The following HOGA1 variants were observed in gnomAD, a reference collection of about 807,000 sequenced individuals.
HOGA1 encodes 4-hydroxy-2-oxoglutarate aldolase 1, also known as 4-hydroxy-2-oxoglutarate aldolase, mitochondrial.
In HOGA1, 30 loss-of-function variants were observed where a neutral mutation model predicts 34.3. That is an observed-to-expected ratio of 0.87 (90% CI 0.65 to 1.19). The LOEUF (loss-of-function observed/expected upper bound fraction) is 1.19, where lower values mean the gene tolerates loss of function less well. Ranked by LOEUF, HOGA1 falls within the 50% of genes most tolerant of loss-of-function variation. The pLI, the probability that HOGA1 is intolerant of heterozygous loss-of-function variation, is 0.00. For synonymous variants in HOGA1, 161 were observed against 174.0 expected (o/e 0.93, Z 0.59); for missense variants, 417 against 436.5 (o/e 0.96, Z 0.40).
At chr10:97,599,880 C>T in intron 4 of HOGA1, 66 bp downstream of exon 4, 1 of 1,608,204 alleles carries the variant, frequency 6.2e-7, no homozygotes. Context: ...ACTTTTGCTC[C>T]TGAGGGCAGC....
intron 1 of HOGA1, among the ~76,000 whole-genome samples, chr10:97,598,179 C>G (rs1434303392): frequency 6.6e-6 from 1 of 152,162 alleles, no homozygotes; most frequent in Non-Finnish European, 1.5e-5. Flanking sequence ...TTGGTAGAGA[C>G]AGGCAGCCAT....
chr10:97,585,693 T>C (rs2040964626), intron 1 of HOGA1, among the ~76,000 whole-genome samples: 1 of 152,224 alleles, frequency 6.6e-6, no homozygotes, highest in Non-Finnish European at 1.5e-5. Context: ...TTGCACCTCG[T>C]CTGACTGCAT....
intron 1 of HOGA1, among the ~76,000 whole-genome samples, chr10:97,593,443 C>A (rs968772034): frequency 1.8e-4 from 27 of 151,998 alleles, no homozygotes; most frequent in Non-Finnish European, 2.9e-5. Context: ...TGCCACTGCC[C>A]TCCAGCCTGG....
rs1028021599 is a variant in HOGA1 at position 97,611,834 on chromosome 10, T to C, written c.*175T>C. On this transcript the variant is annotated 3_prime_UTR_variant, in exon 7 of 7. Coordinates refer to ENST00000370646, the MANE Select transcript of HOGA1 (RefSeq NM_138413.4). ...TTTCACAGGCACGCCCATGCATATC[T>C]CCTATTCTAACGGCCCCTGACCTCT... The C allele has an allele frequency of 3.7e-5, 25 of 678,340 alleles. No homozygotes were observed. The highest frequency in any genetic ancestry group is 5.7e-5 in the Non-Finnish European group (23 of 401,086). 42.0% of individuals were successfully genotyped at this position (678,340 alleles called of 1,614,324 possible).
chr10:97,604,909 A>T (rs897160491), intron 6 of HOGA1, among the ~76,000 whole-genome samples: 5 of 152,200 alleles, frequency 3.3e-5, no homozygotes, highest in Admixed American at 6.5e-5. Flanking sequence ...TGAATGCGGC[A>T]GGTGGAGGTT....
At chr10:97,590,123 G>A in intron 1 of HOGA1, 1 of 1,614,148 alleles carries the variant, frequency 6.2e-7, no homozygotes, top group Middle Eastern at 1.6e-4. Flanking sequence ...GGTTCACATA[G>A]AGACCTTCAC....
chr10:97,600,518 A>G (rs1457485195), intron 5 of HOGA1: 1 of 375,140 alleles, frequency 2.7e-6, no homozygotes, highest in Admixed American at 3.9e-5. Flanking sequence ...CCTCCTCTGT[A>G]GTTCAGGAGT....
At chr10:97,595,562 T>C (rs1485289428) in intron 1 of HOGA1, among the ~76,000 whole-genome samples, 1 of 152,024 alleles carries the variant, frequency 6.6e-6, no homozygotes, top group Non-Finnish European at 1.5e-5. Context: ...CGGCATGGTG[T>C]CAGGTGCCTG....
In HOGA1 at chr10:97,600,128, G is replaced by T. The variant is rs1165486455; in HGVS notation, c.665G>T (p.Gly222Val). 2 of 1,614,038 alleles carry T rather than the reference G, an allele frequency of 1.2e-6. No individual in the cohort carries two copies. Among genetic ancestry groups the T allele is most frequent in the Admixed American group, 1.7e-5 (1 of 59,990 alleles). The stretch of plus-strand genomic sequence containing the variant: ...AAGCAGGATTTTCAGGTGTTGGCTG[G>T]ATCGGCTGGCTTTCTGATGGCCAGC... Reference protein sequence around the residue: ...TRKQDFQVLAGSAGFLMASYA... With the variant: ...TRKQDFQVLAVSAGFLMASYA... The change falls in exon 5 of 7, where the codon GGA becomes GTA. Residue 222 changes from glycine (G) to valine (V), a missense_variant. Transcript: ENST00000370646.
At chr10:97,589,500 A>G (rs763776010) in intron 1 of HOGA1, among the ~76,000 whole-genome samples, 118 of 151,992 alleles carry the variant, frequency 7.8e-4, no homozygotes, top group Admixed American at 2.6e-3. Flanking sequence ...AGGACTCAGA[A>G]TTGGAGAAGC....
intron 6 of HOGA1, among the ~76,000 whole-genome samples, chr10:97,607,041 G>A (rs1395679764): frequency 1.3e-5 from 2 of 150,704 alleles, no homozygotes; most frequent in African/African-American, 2.4e-5. Flanking sequence ...AGATAGAGAC[G>A]GCAGTATTGC....
intron 6 of HOGA1, among the ~76,000 whole-genome samples, chr10:97,607,887 C>G (rs538274312): frequency 6.6e-6 from 1 of 152,244 alleles, no homozygotes; most frequent in East Asian, 1.9e-4. Context: ...ACTCACAGCA[C>G]TATTTTAGGC....
chr10:97,602,429 A>C (rs1164781938), intron 6 of HOGA1: 1 of 985,234 alleles, frequency 1.0e-6, no homozygotes, highest in East Asian at 1.1e-4. Flanking sequence ...AGAAGGCAGG[A>C]GAGTGTTGTC....
At chr10:97,595,256 GCAGCCTCCCCTTCAACAC>G (rs2041059900) in intron 1 of HOGA1, among the ~76,000 whole-genome samples, 1 of 152,194 alleles carries the variant, frequency 6.6e-6, no homozygotes, top group South Asian at 2.1e-4. Flanking sequence ...GTCATTGAGA[GCAGCCTCCCCTTCAACAC>G]CAGCCACCCT....
At position 97,593,029 on chromosome 10, in the gene HOGA1, C is replaced by CAAAAAAAAAAAAAAAAA. The variant is rs1169191059; in HGVS notation, c.212-5740_212-5724dup. On this transcript the variant is annotated intron_variant, in intron 1 of 6. Transcript: ENST00000370646. The stretch of plus-strand genomic sequence containing the variant: ...TGGGCGACAGAGTGAGACTCTGTCT[C>CAAAAAAAAAAAAAAAAA]AAAAAAAAAAAAAAAAAAAAAAGAG... 4.9e-3 allele frequency among the ~76,000 whole-genome samples: 233 copies of CAAAAAAAAAAAAAAAAA among 47,776 alleles called. 6 individuals carry two copies. The highest frequency in any genetic ancestry group is 6.4e-3 in the Non-Finnish European group (161 of 24,972). The allele number at this position is 47,776 out of a possible 152,430, so 31.3% of individuals were successfully genotyped here. A position where few individuals can be genotyped will look rare whatever the true frequency, so the allele number is the denominator to read the frequency against.
chr10:97,590,812 C>T (rs576705974), intron 1 of HOGA1: 129 of 591,918 alleles, frequency 2.2e-4, no homozygotes, highest in African/African-American at 1.4e-3. Flanking sequence ...GAGGACACAG[C>T]GCAGGTGAGA....
At chr10:97,602,053 G>A in intron 6 of HOGA1, 63 bp downstream of exon 6, 3 of 1,565,684 alleles carry the variant, frequency 1.9e-6, no homozygotes, top group Non-Finnish European at 2.6e-6. Context: ...CCTCATTGGA[G>A]CAGGACCCAG....
intron 1 of HOGA1, among the ~76,000 whole-genome samples, chr10:97,596,549 G>A (rs796189101): frequency 9.9e-5 from 15 of 152,256 alleles, no homozygotes; most frequent in Admixed American, 4.6e-4. Context: ...CAGCTTTTAC[G>A]GAGAGCACTG....
intron 1 of HOGA1, among the ~76,000 whole-genome samples, chr10:97,588,234 G>C (rs1353127814): frequency 1.9e-5 from 2 of 106,170 alleles, no homozygotes; most frequent in African/African-American, 7.6e-5. Flanking sequence ...GTCTTGCTCT[G>C]TCTCCCAGGC....
Sources: gnomAD v4.1 joint callset for allele counts (sites outside exome capture counted in the v4.1 genomes callset) on GRCh38, gnomAD v4.1.1 for gene constraint, MANE v1.5 for transcripts, NCBI Gene and HGNC (gene_info 2026-07-23, HGNC 2026-07-21) for gene names.